SMOC1: variants seen among roughly 807,000 people sequenced by gnomAD.
SMOC1 encodes SPARC related modular calcium binding 1.
A neutral mutation model predicts 56.3 loss-of-function variants in SMOC1; 22 were observed. The ratio of observed to expected loss-of-function variants is 0.39; its 90% CI spans 0.28 to 0.56. The LOEUF is 0.56. Ranked by LOEUF, SMOC1 falls within the 20% of genes least tolerant of loss-of-function variation. The pLI is 0.61. For synonymous variants in SMOC1, 193 were observed against 215.0 expected (o/e 0.90, Z 0.89); for missense variants, 509 against 565.4 (o/e 0.90, Z 1.01).
chr14:69,918,800 G>A (rs1475390987), intron 1 of SMOC1, among the ~76,000 whole-genome samples: 1 of 152,148 alleles, frequency 6.6e-6, no homozygotes, highest in Non-Finnish European at 1.5e-5. Context: ...TAGCTGCCCA[G>A]CTGCCACAGA....
chr14:69,977,409 C>T (rs749388624), intron 4 of SMOC1, among the ~76,000 whole-genome samples: 10 of 152,234 alleles, frequency 6.6e-5, no homozygotes, highest in Non-Finnish European at 1.3e-4. Flanking sequence ...TTGGCCCATT[C>T]AGTACAATTG....
chr14:69,977,487 T>C (rs1884007239), intron 4 of SMOC1, among the ~76,000 whole-genome samples: 1 of 152,242 alleles, frequency 6.6e-6, no homozygotes, highest in African/African-American at 2.4e-5. Context: ...GCAAGGGATG[T>C]CAATCATTGC....
intron 1 of SMOC1, among the ~76,000 whole-genome samples, chr14:69,945,713 A>G (rs904680885): frequency 1.3e-5 from 2 of 152,238 alleles, no homozygotes; most frequent in African/African-American, 4.8e-5. Context: ...GCTGTGTTAC[A>G]TATGAATTTA....
At position 70,003,109 on chromosome 14, in the gene SMOC1, G is replaced by A. The variant is rs149569331; in HGVS notation, c.665-7645G>A. Among the ~76,000 whole-genome samples the A allele has an allele frequency of 3.1e-4, 47 of 152,284 alleles. No individual in the cohort carries two copies. In the East Asian group the frequency reaches 9.1e-3, roughly 29 times the overall value. ...GTTTCTTATGCCTCTGGAATTTCAT[G>A]TTGTAATTTAGAAAGGTTGTTTTCA... On this transcript the variant is annotated intron_variant, in intron 7 of 11. Transcript: ENST00000361956.
intron 3 of SMOC1, among the ~76,000 whole-genome samples, chr14:69,955,660 A>G (rs1883157422): frequency 6.6e-6 from 1 of 151,138 alleles, no homozygotes; most frequent in South Asian, 2.1e-4. Flanking sequence ...AAATCTTTCT[A>G]TCATGTCGAT....
intron 9 of SMOC1, among the ~76,000 whole-genome samples, 181 bp downstream of exon 9, chr14:70,011,748 T>C (rs1490668568): frequency 6.6e-6 from 1 of 152,250 alleles, no homozygotes; most frequent in East Asian, 1.9e-4. Flanking sequence ...TTGTGCACAT[T>C]GCTTCTCTTC....
chr14:69,983,450 T>A (rs1440940858), intron 5 of SMOC1, among the ~76,000 whole-genome samples: 1 of 152,174 alleles, frequency 6.6e-6, no homozygotes, highest in Non-Finnish European at 1.5e-5. Context: ...TTCTTAGCCT[T>A]TTATGATGGA....
chr14:70,006,878 A>G (rs1470408830), intron 7 of SMOC1, among the ~76,000 whole-genome samples: 1 of 152,156 alleles, frequency 6.6e-6, no homozygotes, highest in African/African-American at 2.4e-5. Flanking sequence ...CAGCTTCCAC[A>G]AAAGTGAAAG....
chr14:70,010,978 C>A, intron 8 of SMOC1, 32 bp downstream of exon 8: 1 of 1,610,422 alleles, frequency 6.2e-7, no homozygotes. Flanking sequence ...CTGGGAAAAA[C>A]GCACCTGCTG....
At chr14:69,914,100 C>T (rs911977745) in intron 1 of SMOC1, among the ~76,000 whole-genome samples, 7 of 152,184 alleles carry the variant, frequency 4.6e-5, no homozygotes, top group African/African-American at 1.4e-4. Flanking sequence ...ATTTGATCCC[C>T]AGCAAAGACC....
At chr14:69,886,529 G>C (rs1883814895) in intron 1 of SMOC1, among the ~76,000 whole-genome samples, 1 of 152,208 alleles carries the variant, frequency 6.6e-6, no homozygotes, top group Non-Finnish European at 1.5e-5. Flanking sequence ...AAATAAGTGT[G>C]TTTGGTAGTT....
chr14:69,884,125 C>G (rs367848262), intron 1 of SMOC1, among the ~76,000 whole-genome samples: 1 of 151,722 alleles, frequency 6.6e-6, no homozygotes, highest in East Asian at 1.9e-4. Context: ...CCAGGATGGT[C>G]TCGATCTCCC....
At chr14:70,029,168 C>G (rs1038539607) in intron 11 of SMOC1, among the ~76,000 whole-genome samples, 2 of 152,208 alleles carry the variant, frequency 1.3e-5, no homozygotes, top group Admixed American at 6.5e-5. Context: ...TTGCCCCCAG[C>G]TCCTCGCTCC....
At chr14:69,955,522 C>G (rs1883151596) in intron 3 of SMOC1, among the ~76,000 whole-genome samples, 1 of 151,820 alleles carries the variant, frequency 6.6e-6, no homozygotes, top group Non-Finnish European at 1.5e-5. Flanking sequence ...ATTATAGCTT[C>G]CCTCATTAGG....
rs748841787 is a variant in SMOC1 at position 70,011,549 on chromosome 14, A to G, written c.922A>G (p.Lys308Glu). Residue 308 changes from lysine (K) to glutamate (E), a missense_variant, in exon 9 of 12, where the codon AAG becomes GAG. Around this residue, in one of 3 missense-constraint regions of SMOC1, gnomAD observed 176 missense variants for 188.1 expected, o/e 0.94. Transcript: ENST00000361956. Reference sequence around the variant, plus strand: ...GACTACAGAGGCGGATGACCCCTTCAAGGACAGGGAGCTACCAGGTGGGAG... The same window carrying G: ...GACTACAGAGGCGGATGACCCCTTCGAGGACAGGGAGCTACCAGGTGGGAG... ...AKTTEADDPF[K>E]DRELPGCPEG... 1 of 1,613,024 alleles carries G rather than the reference A, an allele frequency of 6.2e-7. No homozygotes were observed. The highest frequency in any genetic ancestry group is 1.1e-5 in the South Asian group (1 of 91,044).
At position 69,953,510 on chromosome 14, in the gene SMOC1, G is replaced by A; in HGVS notation, c.356G>A (p.Gly119Asp). ...GAAGCTGTGTTTGTCCCAGAGTGTG[G>A]CGAGGATGGCTCCTTTACCCAGGTG... ...PQEAVFVPEC[G>D]EDGSFTQVQC... The change falls in exon 3 of 12, where the codon GGC (glycine) becomes GAC (aspartate). Residue 119 changes from glycine (G) to aspartate (D), a missense_variant. Gly to Asp is a moderately conservative substitution (Grantham distance 94). This residue lies in a region of SMOC1 where 315 missense variants were observed against 333.1 expected (regional missense o/e 0.95). Transcript: ENST00000361956. The A allele has an allele frequency of 6.2e-7, 1 of 1,614,214 alleles. No individual in the cohort carries two copies. The highest frequency in any genetic ancestry group is 8.5e-7 in the Non-Finnish European group (1 of 1,180,018).
At chr14:69,988,936 A>C (rs368306949) in intron 5 of SMOC1, among the ~76,000 whole-genome samples, 1 of 152,258 alleles carries the variant, frequency 6.6e-6, no homozygotes, top group South Asian at 2.1e-4. Flanking sequence ...ATCACAATTT[A>C]TTCACCAGTG....
chr14:69,969,047 G>A (rs1365813158), intron 3 of SMOC1, among the ~76,000 whole-genome samples: 14 of 152,260 alleles, frequency 9.2e-5, no homozygotes, highest in South Asian at 8.3e-4. Context: ...GGTTGTCATC[G>A]GAAGGAAATT....
At chr14:69,951,776 TC>T (rs1433825168) in intron 1 of SMOC1, among the ~76,000 whole-genome samples, 5 of 152,206 alleles carry the variant, frequency 3.3e-5, no homozygotes, top group African/African-American at 1.2e-4. Flanking sequence ...TAATTCAGCC[TC>T]CACTGCTTAT....
Sources: gnomAD v4.1 joint callset for allele counts (sites outside exome capture counted in the v4.1 genomes callset) on GRCh38, gnomAD v4.1.1 for gene constraint, gnomAD v4.1.1 regional missense constraint, MANE v1.5 for transcripts, NCBI Gene and HGNC (gene_info 2026-07-23, HGNC 2026-07-21) for gene names.